The following GPC1 variants were observed in gnomAD, a reference collection of about 807,000 sequenced individuals.
GPC1 encodes glypican-1.
GPC1 carries 26 observed loss-of-function variants against 51.5 expected under a neutral mutation model. That is an observed-to-expected ratio of 0.50 (90% CI 0.37 to 0.70). The LOEUF (loss-of-function observed/expected upper bound fraction) is 0.70, where lower values mean the gene tolerates loss of function less well. GPC1 is among the 30% of genes least tolerant of loss of function. GPC1 has a pLI of 0.00. For missense variants in GPC1, 775 were observed against 800.5 expected (o/e 0.97, Z 0.38); for synonymous variants, 380 against 348.3 (o/e 1.09, Z -1.01).
At chr2:240,451,129 C>T (rs574370003) in intron 1 of GPC1, 20 of 471,218 alleles carry the variant, frequency 4.2e-5, no homozygotes, top group African/African-American at 3.8e-4. Flanking sequence ...CCTTCTGTTC[C>T]TTCCCCAGTG....
intron 2 of GPC1, 146 bp downstream of exon 2, chr2:240,459,334 CTGGGTTG>C (rs2074197730): frequency 1.6e-5 from 13 of 808,580 alleles, no homozygotes; most frequent in Non-Finnish European, 2.5e-5. Context: ...GGCTAGGGCG[CTGGGTTG>C]AAGCCCCAGC....
chr2:240,450,868 C>A (rs768592521), intron 1 of GPC1: 1 of 443,224 alleles, frequency 2.3e-6, no homozygotes, highest in South Asian at 1.7e-5. Flanking sequence ...GCAGAGGTTC[C>A]CTCTGGAAGG....
intron 2 of GPC1, among the ~76,000 whole-genome samples, chr2:240,459,931 C>G (rs767631411): frequency 3.9e-5 from 6 of 152,090 alleles, no homozygotes; most frequent in Non-Finnish European, 7.4e-5. Flanking sequence ...GCCCCTGTGT[C>G]CGGGCGGAGC....
At chr2:240,456,654 A>G (rs2074167450) in intron 1 of GPC1, 1 of 470,288 alleles carries the variant, frequency 2.1e-6, no homozygotes, top group Admixed American at 2.4e-5. Context: ...ATGGGTGCAC[A>G]GGGCCCCATC....
At chr2:240,460,396 C>T (rs2074206224) in intron 2 of GPC1, among the ~76,000 whole-genome samples, 1 of 152,022 alleles carries the variant, frequency 6.6e-6, no homozygotes, top group African/African-American at 2.4e-5. Context: ...GTGTAGGGAC[C>T]CGGCTCACCT....
chr2:240,465,022 A>G (rs1172400450), intron 6 of GPC1, 47 bp downstream of exon 6: 4 of 1,579,198 alleles, frequency 2.5e-6, no homozygotes, highest in Middle Eastern at 1.7e-4. Context: ...AGGGAGGCAG[A>G]CAGGCAGAGG....
At chr2:240,461,357 C>T (rs780163727) in intron 2 of GPC1, among the ~76,000 whole-genome samples, 15 of 152,184 alleles carry the variant, frequency 9.9e-5, no homozygotes, top group Non-Finnish European at 1.9e-4. Flanking sequence ...GGTGGGCCAT[C>T]GAGCCCCCGG....
Position 240,462,554 on chromosome 2 carries a change from C to T in GPC1, c.689C>T (p.Ala230Val). The part of the protein sequence containing the change: ...ARSFVQGLGV[A>V]SDVVRKVAQV... ...TCCTTTGTGCAGGGCCTGGGCGTGG[C>T]CAGCGACGTGGTCCGGAAAGTGGCT... is the stretch of plus-strand genomic sequence containing the variant. The change falls in exon 3 of 9, where the codon GCC becomes GTC. Residue 230 changes from alanine (A) to valine (V), a missense_variant. Transcript: ENST00000264039. 1 of 1,536,372 alleles carries T rather than the reference C, an allele frequency of 6.5e-7. No homozygotes were observed. The highest frequency in any genetic ancestry group is 1.2e-5 in the South Asian group (1 of 82,516).
At chr2:240,444,867 G>A (rs960065555) in intron 1 of GPC1, among the ~76,000 whole-genome samples, 3 of 152,124 alleles carry the variant, frequency 2.0e-5, no homozygotes, top group East Asian at 3.9e-4. Context: ...CTCAAGAACC[G>A]GGGCCAGGAG....
At chr2:240,462,970 A>T (rs1446441498) in intron 3 of GPC1, among the ~76,000 whole-genome samples, 2 of 152,056 alleles carry the variant, frequency 1.3e-5, no homozygotes, top group African/African-American at 4.8e-5. Flanking sequence ...GGCCAGGGGG[A>T]TGCCTTGGTC....
intron 1 of GPC1, among the ~76,000 whole-genome samples, chr2:240,441,557 C>T (rs1286760649): frequency 6.6e-6 from 1 of 152,254 alleles, no homozygotes; most frequent in Non-Finnish European, 1.5e-5. Context: ...TGCCCAGAGC[C>T]CTGAGCCGGC....
chr2:240,456,211 CGCCGAGGA>C (rs910719121), intron 1 of GPC1: 16 of 242,664 alleles, frequency 6.6e-5, no homozygotes, highest in East Asian at 2.4e-4. Context: ...TGGCTGACGG[CGCCGAGGA>C]GCCCCTCAGA....
At chr2:240,461,314 G>A (rs1454019570) in intron 2 of GPC1, among the ~76,000 whole-genome samples, 1 of 152,224 alleles carries the variant, frequency 6.6e-6, no homozygotes, top group African/African-American at 2.4e-5. Flanking sequence ...CCTCAAAGGA[G>A]AGCCTCTGCC....
At chr2:240,447,541 G>C (rs1387028445) in intron 1 of GPC1, among the ~76,000 whole-genome samples, 1 of 152,246 alleles carries the variant, frequency 6.6e-6, no homozygotes, top group Non-Finnish European at 1.5e-5. Flanking sequence ...GGGCCTCTGG[G>C]GAAAGCCACA....
At chr2:240,439,628 C>T (rs1026776864) in intron 1 of GPC1, among the ~76,000 whole-genome samples, 3 of 152,318 alleles carry the variant, frequency 2.0e-5, no homozygotes, top group South Asian at 2.1e-4. Context: ...CCTCAGAGGG[C>T]CTGGACCTCT....
At chr2:240,463,538 C>T (rs752359418) in intron 4 of GPC1, 26 bp downstream of exon 4, 3 of 1,607,650 alleles carry the variant, frequency 1.9e-6, no homozygotes, top group Non-Finnish European at 2.6e-6. Context: ...CGAGAGCGGC[C>T]TGGAACTGTC....
chr2:240,454,065 G>A (rs1250764646), intron 1 of GPC1, among the ~76,000 whole-genome samples: 6 of 116,100 alleles, frequency 5.2e-5, no homozygotes, highest in Admixed American at 9.5e-5. Context: ...AATGGTGGCG[G>A]GGGGGCTTCG....
chr2:240,445,905 G>A (rs1230314135), intron 1 of GPC1, among the ~76,000 whole-genome samples: 7 of 152,186 alleles, frequency 4.6e-5, no homozygotes, highest in Non-Finnish European at 7.3e-5. Flanking sequence ...ACGGCTTCCC[G>A]GGGAAGCACG....
chr2:240,455,035 G>A (rs765361492), intron 1 of GPC1: 1 of 187,474 alleles, frequency 5.3e-6, no homozygotes. Flanking sequence ...CCAAAGTTAA[G>A]GCTGGTGGGG....
Sources: allele counts gnomAD v4.1 joint callset (sites outside exome capture counted in the v4.1 genomes callset), GRCh38; gene constraint gnomAD v4.1.1; transcripts MANE v1.5; gene names NCBI Gene and HGNC (gene_info 2026-07-23, HGNC 2026-07-21).